FUT8: variants seen among roughly 807,000 people sequenced by gnomAD.
FUT8 encodes the protein alpha-(1,6)-fucosyltransferase.
In FUT8, 29 loss-of-function variants were observed where a neutral mutation model predicts 71.3. That is an observed-to-expected ratio of 0.41 (90% confidence interval 0.30 to 0.55). The LOEUF (loss-of-function observed/expected upper bound fraction) is 0.55. Ranked by LOEUF, FUT8 falls within the 20% of genes least tolerant of loss-of-function variation. FUT8 has a pLI of 0.34. For synonymous variants in FUT8, 254 were observed against 239.3 expected (o/e 1.06, Z -0.57); for missense variants, 544 against 702.1 (o/e 0.77, Z 2.55).
At chr14:65,597,187 G>A (rs6573621) in intron 3 of FUT8, among the ~76,000 whole-genome samples, 149,866 of 152,256 alleles carry the variant, frequency 0.98, 73,817 homozygotes, top group Middle Eastern at 1. Context: ...AGAGTCACAC[G>A]GTAAGACTCT....
intron 7 of FUT8, among the ~76,000 whole-genome samples, chr14:65,677,115 TG>T (rs1892757797): frequency 4.1e-5 from 1 of 24,160 alleles, no homozygotes; most frequent in African/African-American, 2.3e-4. Context: ...AAGACATATT[TG>T]TGTGTGTGTG....
chr14:65,498,049 T>C (rs1458878173), intron 2 of FUT8, among the ~76,000 whole-genome samples: 1 of 152,204 alleles, frequency 6.6e-6, no homozygotes, highest in African/African-American at 2.4e-5. Context: ...TTAGTCATAT[T>C]ATTTAATGAA....
chr14:65,432,801 C>T (rs964700219), intron 1 of FUT8, among the ~76,000 whole-genome samples: 1 of 152,076 alleles, frequency 6.6e-6, no homozygotes, highest in African/African-American at 2.4e-5. Context: ...AGGAAGTTAC[C>T]CTGTATGGTC....
At chr14:65,457,141 A>G (rs1594650395) in intron 2 of FUT8, among the ~76,000 whole-genome samples, 1 of 152,120 alleles carries the variant, frequency 6.6e-6, no homozygotes, top group East Asian at 1.9e-4. Flanking sequence ...TTCTAAGTGT[A>G]TGTTTGTACC....
chr14:65,439,952 G>GTACATATATATA (rs1425130774), intron 1 of FUT8, among the ~76,000 whole-genome samples: 3 of 38,222 alleles, frequency 7.8e-5, no homozygotes, highest in Middle Eastern at 0.011. Context: ...GTGTGTGTGT[G>GTACATATATATA]TGTATATATA....
the FUT8 span, among the ~76,000 whole-genome samples, chr14:65,368,821 C>G: frequency 6.6e-6 from 1 of 151,554 alleles, no homozygotes; most frequent in African/African-American, 2.4e-5. Context: ...CGCGCCCGGC[C>G]TATTTTTTGT....
intron 6 of FUT8, among the ~76,000 whole-genome samples, chr14:65,642,978 G>A (rs1890910648): frequency 6.6e-6 from 1 of 152,076 alleles, no homozygotes; most frequent in Admixed American, 6.5e-5. Flanking sequence ...ATGGATTCTA[G>A]TTGGCAGTAG....
At position 65,575,924 on chromosome 14, in the gene FUT8, A is replaced by G. The variant is rs73286127; in HGVS notation, c.203+14158A>G. 9.4e-3 allele frequency among the ~76,000 whole-genome samples: 1,437 copies of G among 152,230 alleles called. 24 individuals carry two copies. Among genetic ancestry groups the G allele is most frequent in the African/African-American group, 0.033 (1,369 of 41,526 alleles). On this transcript the variant is annotated intron_variant, in intron 3 of 10. Transcript: ENST00000673929. ...TGTGAGCCAGAAGCAGATATTTTTGATGAATACTTTATAATTCAGTTTTCA... is the reference window on the plus strand; with the variant it reads ...TGTGAGCCAGAAGCAGATATTTTTGGTGAATACTTTATAATTCAGTTTTCA...
intron 6 of FUT8, among the ~76,000 whole-genome samples, chr14:65,651,591 T>G (rs1891410526): frequency 6.6e-6 from 1 of 152,234 alleles, no homozygotes; most frequent in African/African-American, 2.4e-5. Flanking sequence ...ATGTTGGAAT[T>G]GTCTGACAAG....
At position 65,669,763 on chromosome 14, in the gene FUT8, C is replaced by G. The variant is rs1012472885; in HGVS notation, c.835+283C>G. On this transcript the variant is annotated intron_variant, in intron 7 of 10. Transcript: ENST00000673929. This position sits in a 1 kb window ranked among gnomAD's most constrained non-coding sequence, Gnocchi z 4.5. ...TTTAATAATAATGATATGACTTTCA[C>G]TCTATAAGATGATTTCACATTATTG... Among the ~76,000 whole-genome samples, 6 of 152,062 alleles carry G rather than the reference C, an allele frequency of 3.9e-5. No homozygotes were observed. The highest frequency in any genetic ancestry group is 1.9e-4 in the East Asian group (1 of 5,186).
chr14:65,465,532 G>A (rs1049347999), intron 2 of FUT8, among the ~76,000 whole-genome samples: 3 of 152,140 alleles, frequency 2.0e-5, no homozygotes, highest in Admixed American at 6.6e-5. Flanking sequence ...AATTTCTCAA[G>A]ACTATTTTTT....
At chr14:65,524,480 C>T (rs886589335) in intron 2 of FUT8, among the ~76,000 whole-genome samples, 2 of 152,152 alleles carry the variant, frequency 1.3e-5, no homozygotes, top group Non-Finnish European at 2.9e-5. Flanking sequence ...TGGGCTGAGA[C>T]AATGGGGTTT....
Position 65,483,475 on chromosome 14 carries a change from A to G in FUT8, c.-228+27757A>G, listed in dbSNP as rs1166612953. Among the ~76,000 whole-genome samples, 3 of 152,228 alleles carry G rather than the reference A, an allele frequency of 2.0e-5. No homozygotes were observed. The highest frequency in any genetic ancestry group is 4.4e-5 in the Non-Finnish European group (3 of 68,042). ...TTTACATTTCCATATGAATTTAAGAAACAGTATGTAAATATTTGATTGGAA... is the reference window on the plus strand; with the variant it reads ...TTTACATTTCCATATGAATTTAAGAGACAGTATGTAAATATTTGATTGGAA... On this transcript the variant is annotated intron_variant, in intron 2 of 10. Coordinates refer to ENST00000673929, the MANE Select transcript of FUT8 (RefSeq NM_001371533.1). This position sits in a 1 kb window ranked among gnomAD's most constrained non-coding sequence, Gnocchi z 4.4.
chr14:65,389,918 G>T, the FUT8 span, among the ~76,000 whole-genome samples: 1 of 151,028 alleles, frequency 6.6e-6, no homozygotes, highest in Non-Finnish European at 1.5e-5. Context: ...TGAGGTGGGC[G>T]GATCATGAGG....
intron 3 of FUT8, among the ~76,000 whole-genome samples, chr14:65,573,490 T>C (rs921808282): frequency 6.6e-6 from 1 of 152,074 alleles, no homozygotes; most frequent in African/African-American, 2.4e-5. Flanking sequence ...TCAAAAAGTA[T>C]AAACCATTAA....
chr14:65,455,835 G>A, intron 2 of FUT8, 117 bp downstream of exon 2: 1 of 392,868 alleles, frequency 2.5e-6, no homozygotes, highest in Non-Finnish European at 4.5e-6. Flanking sequence ...GAAAGGCCAA[G>A]TCAGTCTAAA....
At chr14:65,633,012 C>G (rs1015542234) in intron 6 of FUT8, among the ~76,000 whole-genome samples, 7 of 147,262 alleles carry the variant, frequency 4.8e-5, no homozygotes, top group East Asian at 2.0e-4. Flanking sequence ...CCTCCCCCCC[C>G]CCGTCTCCCC....
chr14:65,484,007 G>A (rs1358926113), intron 2 of FUT8, among the ~76,000 whole-genome samples: 7 of 152,142 alleles, frequency 4.6e-5, no homozygotes, highest in Non-Finnish European at 7.4e-5. Flanking sequence ...GATTAAAGGC[G>A]TGAGCCACCA....
chr14:65,626,665 TTAGAA>T (rs1179500186), intron 5 of FUT8, among the ~76,000 whole-genome samples: 1 of 152,218 alleles, frequency 6.6e-6, no homozygotes, highest in Non-Finnish European at 1.5e-5. Flanking sequence ...TGTAAAGCAC[TTAGAA>T]TAGGTGTACC....
Sources: allele counts gnomAD v4.1 joint callset (sites outside exome capture counted in the v4.1 genomes callset), GRCh38; gene constraint gnomAD v4.1.1; non-coding constraint Gnocchi (gnomAD v3.1); transcripts MANE v1.5; gene names NCBI Gene and HGNC (gene_info 2026-07-23, HGNC 2026-07-21).